The following RORA variants were observed in gnomAD, a reference collection of about 807,000 sequenced individuals.
RORA encodes RAR related orphan receptor A.
In RORA, 7 loss-of-function variants were observed where a neutral mutation model predicts 69.5. That is an observed-to-expected ratio of 0.10 (90% confidence interval 0.06 to 0.19). RORA has a LOEUF of 0.19. RORA is among the 10% of genes least tolerant of loss of function. The pLI, the probability that RORA is intolerant of heterozygous loss-of-function variation, is 1.00. For synonymous variants in RORA, 261 were observed against 240.8 expected, an observed-to-expected ratio of 1.08 and a Z score of -0.78; for missense variants, 457 against 663.0, an observed-to-expected ratio of 0.69 and a Z score of 3.41.
At chr15:61,020,424 T>G (rs979145314) in intron 1 of RORA, among the ~76,000 whole-genome samples, 1 of 152,218 alleles carries the variant, frequency 6.6e-6, no homozygotes, top group African/African-American at 2.4e-5. Flanking sequence ...TCGGAATTGC[T>G]GCTTCTTCGC....
intron 1 of RORA, among the ~76,000 whole-genome samples, chr15:60,809,180 T>A (rs187525128): frequency 2.0e-5 from 3 of 152,020 alleles, no homozygotes; most frequent in African/African-American, 7.2e-5. Flanking sequence ...AAAAATAAAT[T>A]AAAAAATGTA....
At chr15:60,545,322 G>A (rs1193370969) in intron 2 of RORA, among the ~76,000 whole-genome samples, 1 of 152,124 alleles carries the variant, frequency 6.6e-6, no homozygotes, top group Non-Finnish European at 1.5e-5. Context: ...GAGACGAATG[G>A]CTAGCACTTA....
At chr15:61,017,239 G>A (rs984892523) in intron 1 of RORA, among the ~76,000 whole-genome samples, 1 of 152,190 alleles carries the variant, frequency 6.6e-6, no homozygotes, top group Non-Finnish European at 1.5e-5. Context: ...ACAGAACCCA[G>A]GACAGGCTTT....
chr15:61,175,541 TA>T (rs75174095), intron 1 of RORA, among the ~76,000 whole-genome samples: 195 of 120,190 alleles, frequency 1.6e-3, no homozygotes, highest in East Asian at 8.0e-3. Flanking sequence ...ATCCTGTTTC[TA>T]AAAAAAAAAA....
chr15:61,005,944 A>AT (rs1894897493), intron 1 of RORA, among the ~76,000 whole-genome samples: 1 of 150,444 alleles, frequency 6.6e-6, no homozygotes, highest in Non-Finnish European at 1.5e-5. Context: ...ATATATATAT[A>AT]TTTTTTGTTT....
Position 61,057,201 on chromosome 15 carries a change from G to A in RORA, c.166+171852C>T, listed in dbSNP as rs567819520. Among the ~76,000 whole-genome samples the A allele has an allele frequency of 2.0e-5, 3 of 152,294 alleles. No individual in the cohort carries two copies. In the South Asian group the frequency reaches 6.2e-4, roughly 32 times the overall value. The stretch of plus-strand genomic sequence containing the variant: ...AGAGAGGAAGCCTGGGCAAGCTCTT[G>A]GAACATCTACATAAAATGAAGGTAT... On this transcript the variant is annotated intron_variant, in intron 1 of 10. Coordinates refer to ENST00000335670, the MANE Select transcript of RORA (RefSeq NM_134261.3).
intron 1 of RORA, among the ~76,000 whole-genome samples, chr15:60,766,670 AC>A (rs1652424705): frequency 1.6e-5 from 1 of 63,284 alleles, no homozygotes; most frequent in Admixed American, 1.8e-4. Context: ...CACAGACTGC[AC>A]TTTTTTTTTT....
intron 2 of RORA, among the ~76,000 whole-genome samples, chr15:60,638,566 C>T (rs1349279795): frequency 6.6e-6 from 1 of 152,068 alleles, no homozygotes; most frequent in African/African-American, 2.4e-5. Flanking sequence ...AAACTCATCT[C>T]ATTAGAAGAG....
intron 1 of RORA, among the ~76,000 whole-genome samples, chr15:60,695,977 C>T (rs148280697): frequency 1.2e-3 from 180 of 152,170 alleles, no homozygotes; most frequent in African/African-American, 4.1e-3. Context: ...GATAAACCAC[C>T]GGCGCTTCAA....
chr15:60,973,112 C>T (rs1893770479), intron 1 of RORA, among the ~76,000 whole-genome samples: 1 of 151,960 alleles, frequency 6.6e-6, no homozygotes. Flanking sequence ...ATGGGGAGGA[C>T]ACGCATTTAA....
chr15:60,956,150 T>C (rs976083366), intron 1 of RORA, among the ~76,000 whole-genome samples: 14 of 152,200 alleles, frequency 9.2e-5, no homozygotes, highest in Non-Finnish European at 1.6e-4. Context: ...ATGAATAGAA[T>C]TATTTCTCTT....
chr15:60,706,584 G>C (rs893185672), intron 1 of RORA, among the ~76,000 whole-genome samples: 2 of 152,196 alleles, frequency 1.3e-5, no homozygotes, highest in African/African-American at 4.8e-5. Context: ...TGAGTCTTGA[G>C]AGAGGGAAGT....
chr15:61,087,496 A>G (rs1431341019), intron 1 of RORA, among the ~76,000 whole-genome samples: 7 of 152,200 alleles, frequency 4.6e-5, no homozygotes, highest in African/African-American at 7.2e-5. Flanking sequence ...GCTAAAATCA[A>G]TTTAAGTACT....
At chr15:60,595,876 G>C (rs1482655526) in intron 2 of RORA, among the ~76,000 whole-genome samples, 1 of 152,110 alleles carries the variant, frequency 6.6e-6, no homozygotes, top group African/African-American at 2.4e-5. Context: ...CTCCCAGGAT[G>C]GTCACAGCCC....
intron 1 of RORA, among the ~76,000 whole-genome samples, chr15:61,163,948 T>A (rs2079518915): frequency 6.6e-6 from 1 of 152,214 alleles, no homozygotes; most frequent in Admixed American, 6.5e-5. Flanking sequence ...TATAGAGGGA[T>A]TTAATCCAAA....
chr15:60,497,172 T>TAA lies in RORA; in HGVS notation c.*282_*283insTT, dbSNP rs2141245921. ...AGAAAAGGAAATCCTCCGACTTTAG[T>TAA]ACCCTCCTCCTGTTGTAAACAGAGG... On this transcript the variant is annotated 3_prime_UTR_variant, in exon 11 of 11. Coordinates refer to ENST00000335670, the MANE Select transcript of RORA (RefSeq NM_134261.3). The TAA allele has an allele frequency of 3.5e-6, 1 of 284,424 alleles. No homozygotes were observed. The highest frequency in any genetic ancestry group is 2.2e-5 in the African/African-American group (1 of 46,030). 17.6% of individuals were successfully genotyped at this position (284,424 alleles called of 1,614,324 possible).
intron 2 of RORA, among the ~76,000 whole-genome samples, chr15:60,626,428 C>G (rs929090836): frequency 5.3e-5 from 8 of 152,006 alleles, no homozygotes; most frequent in African/African-American, 1.7e-4. Flanking sequence ...CAAAGACTCA[C>G]CAAACTAAAG....
At chr15:60,739,487 C>T (rs1004882637) in intron 1 of RORA, among the ~76,000 whole-genome samples, 7 of 152,022 alleles carry the variant, frequency 4.6e-5, no homozygotes, top group African/African-American at 1.7e-4. Flanking sequence ...GGGAAGATCA[C>T]TTGATCCCAG....
intron 1 of RORA, among the ~76,000 whole-genome samples, chr15:61,075,664 G>T (rs1005043558): frequency 6.6e-6 from 1 of 152,194 alleles, no homozygotes; most frequent in Non-Finnish European, 1.5e-5. Context: ...AGGTCCATCT[G>T]AGTCTAATGA....
Sources: allele counts gnomAD v4.1 joint callset (sites outside exome capture counted in the v4.1 genomes callset), GRCh38; gene constraint gnomAD v4.1.1; transcripts MANE v1.5; gene names NCBI Gene and HGNC (gene_info 2026-07-23, HGNC 2026-07-21).